Variants in TENM1 observed in about 807,000 individuals in gnomAD.
The protein encoded by TENM1 is teneurin transmembrane protein 1.
In TENM1, 35 loss-of-function variants were observed where a neutral mutation model predicts 174.8. That is an observed-to-expected ratio of 0.20 (90% CI 0.15 to 0.27). The LOEUF (loss-of-function observed/expected upper bound fraction) is 0.27. Among genes scored for constraint, TENM1 ranks in the 10% least tolerant of loss-of-function variants. TENM1 has a pLI of 1.00. For missense variants in TENM1, 1,633 were observed against 2,130.1 expected, an observed-to-expected ratio of 0.77 and a Z score of 4.59; for synonymous variants, 781 against 798.7, an observed-to-expected ratio of 0.98 and a Z score of 0.37.
chrX:124,472,009 T>C (rs1174701367), intron 22 of TENM1, among the ~76,000 whole-genome samples: 1 of 107,459 alleles, frequency 9.3e-6, no homozygotes, highest in African/African-American at 3.4e-5. Context: ...TAAAAAACAA[T>C]AATAAATCTG....
intron 23 of TENM1, 86 bp from the exon 27 acceptor site, chrX:124,422,724 T>G: frequency 1.0e-6 from 1 of 970,742 alleles, no homozygotes; most frequent in South Asian, 2.4e-5. Flanking sequence ...AAAAAATTGG[T>G]GTATTGTTTC....
At chrX:124,823,487 T>C (rs1307658124) in intron 3 of TENM1, among the ~76,000 whole-genome samples, 1 of 111,495 alleles carries the variant, frequency 9.0e-6, no homozygotes, top group Non-Finnish European at 1.9e-5. Flanking sequence ...AGTTTTTTTG[T>C]CTTTGTGTTT....
the TENM1 span, among the ~76,000 whole-genome samples, chrX:125,084,462 CCTTT>C: frequency 9.0e-6 from 1 of 110,743 alleles, no homozygotes; most frequent in African/African-American, 3.3e-5. Context: ...TATTAATGTA[CCTTT>C]TTCTAAAAAC....
rs187365989 is a variant in TENM1, at chrX:124,574,844, A to T, written c.2078-9284T>A. On this transcript the variant is annotated intron_variant, in intron 11 of 31. Transcript: ENST00000422452. Reference sequence around the variant, plus strand: ...AAAATTTCACTAAAATCAAGCAATGATTCAACTAATAACAGTAAACATTAT... The same window carrying T: ...AAAATTTCACTAAAATCAAGCAATGTTTCAACTAATAACAGTAAACATTAT... Among the ~76,000 whole-genome samples, 17 of 112,158 alleles carry T rather than the reference A, an allele frequency of 1.5e-4. No individual in the cohort carries two copies. In the East Asian group the frequency reaches 3.7e-3, roughly 24 times the overall value.
chrX:124,625,633 G>A (rs1253879254), intron 11 of TENM1, among the ~76,000 whole-genome samples: 12 of 110,832 alleles, frequency 1.1e-4, no homozygotes, highest in Non-Finnish European at 2.1e-4. Context: ...TTCTGCTTCT[G>A]GGGAGGCCTC....
chrX:125,093,152 C>T, the TENM1 span, among the ~76,000 whole-genome samples: 1 of 112,122 alleles, frequency 8.9e-6, no homozygotes, highest in South Asian at 3.7e-4. Context: ...TTGTAGGCCA[C>T]CTGTCAATTT....
chrX:124,541,509 C>T (rs763788572), intron 15 of TENM1, among the ~76,000 whole-genome samples: 8 of 112,086 alleles, frequency 7.1e-5, no homozygotes, highest in Admixed American at 1.9e-4. Flanking sequence ...GAAAGCTTCC[C>T]GAGGCATCAC....
At chrX:124,857,092 C>G (rs1222098296) in intron 3 of TENM1, among the ~76,000 whole-genome samples, 1 of 111,154 alleles carries the variant, frequency 9.0e-6, no homozygotes, top group Non-Finnish European at 1.9e-5. Flanking sequence ...AAGTCACTGT[C>G]TTATGAGCTG....
intron 18 of TENM1, among the ~76,000 whole-genome samples, chrX:124,511,166 C>A (rs892577426): frequency 8.9e-6 from 1 of 112,068 alleles, no homozygotes. Context: ...TGACATGGTG[C>A]TCCATTTTTC....
At chrX:124,972,033 G>A in the TENM1 span, among the ~76,000 whole-genome samples, 1 of 109,842 alleles carries the variant, frequency 9.1e-6, no homozygotes, top group Non-Finnish European at 1.9e-5. Context: ...AGGAGTATGA[G>A]AACAGCCTGG....
chrX:124,438,979 T>TA lies in TENM1; in HGVS notation c.4104+14357_4104+14358insT, dbSNP rs1053263769. Among the ~76,000 whole-genome samples, 41 of 112,031 alleles carry TA rather than the reference T, an allele frequency of 3.7e-4. 1 individual carries two copies. The highest frequency in any genetic ancestry group is 1.3e-3 in the African/African-American group (40 of 30,859). On this transcript the variant is annotated intron_variant, in intron 23 of 31. Coordinates refer to ENST00000422452, the Ensembl canonical transcript of TENM1. ...ATCATTTTGTTAAATTTGGTTTTTT[T>TA]TATATATATAATAGACTTAAGAAAA...
intron 18 of TENM1, among the ~76,000 whole-genome samples, chrX:124,510,088 T>C (rs767178590): frequency 3.6e-5 from 4 of 112,560 alleles, no homozygotes; most frequent in Non-Finnish European, 7.5e-5. Context: ...GCCTTACATT[T>C]GTATAATACA....
chrX:124,739,070 G>C (rs1183317865), intron 3 of TENM1, among the ~76,000 whole-genome samples: 1 of 111,962 alleles, frequency 8.9e-6, no homozygotes, highest in Non-Finnish European at 1.9e-5. Context: ...ATGTAGAAAG[G>C]AAGGCAGTGT....
At chrX:124,779,907 G>A (rs1434749770) in intron 3 of TENM1, among the ~76,000 whole-genome samples, 1 of 111,949 alleles carries the variant, frequency 8.9e-6, no homozygotes, top group East Asian at 2.8e-4. Context: ...CAGTTAGTAA[G>A]TGGCAAATTG....
At chrX:124,755,197 G>A (rs183818616) in intron 3 of TENM1, among the ~76,000 whole-genome samples, 2,871 of 105,452 alleles carry the variant, frequency 0.027, 43 homozygotes, top group Non-Finnish European at 0.042. Flanking sequence ...ATATATTTAG[G>A]ATAGTCAGCC....
intron 10 of TENM1, among the ~76,000 whole-genome samples, chrX:124,643,033 C>A (rs2051058650): frequency 9.0e-6 from 1 of 111,101 alleles, no homozygotes; most frequent in East Asian, 2.8e-4. Flanking sequence ...CTATAATTAG[C>A]CCAAGAGCTT....
the TENM1 span, among the ~76,000 whole-genome samples, chrX:125,110,240 G>T: frequency 9.0e-6 from 1 of 111,231 alleles, no homozygotes; most frequent in African/African-American, 3.3e-5. Context: ...ACGTAAAAAG[G>T]TCATAAATGT....
intron 1 of TENM1, among the ~76,000 whole-genome samples, chrX:124,951,897 T>C (rs1295063300): frequency 9.1e-6 from 1 of 109,794 alleles, no homozygotes; most frequent in African/African-American, 3.3e-5. Flanking sequence ...TACTTTTAAG[T>C]TAAATTGATC....
intron 18 of TENM1, among the ~76,000 whole-genome samples, chrX:124,507,053 A>G (rs1000632932): frequency 1.8e-5 from 2 of 110,878 alleles, no homozygotes; most frequent in East Asian, 5.7e-4. Flanking sequence ...AGCATGGTAC[A>G]GGGCACGGAT....
Sources: allele counts gnomAD v4.1 joint callset (sites outside exome capture counted in the v4.1 genomes callset), GRCh38; gene constraint gnomAD v4.1.1; transcripts MANE v1.5; gene names NCBI Gene and HGNC (gene_info 2026-07-23, HGNC 2026-07-21).